PTPRA: variants seen among roughly 807,000 people sequenced by gnomAD.
PTPRA encodes the protein receptor-type tyrosine-protein phosphatase alpha.
A neutral mutation model predicts 104.8 loss-of-function variants in PTPRA; 25 were observed. The ratio of observed to expected loss-of-function variants is 0.24; its 90% CI spans 0.17 to 0.33. The LOEUF is 0.33. PTPRA is among the 10% of genes least tolerant of loss of function. The pLI is 1.00. For synonymous variants in PTPRA, 323 were observed against 368.9 expected, an observed-to-expected ratio of 0.88 and a Z score of 1.43; for missense variants, 765 against 1,015.3, an observed-to-expected ratio of 0.75 and a Z score of 3.35.
At chr20:2,929,873 G>A (rs1455501640) in intron 2 of PTPRA, among the ~76,000 whole-genome samples, 1 of 152,154 alleles carries the variant, frequency 6.6e-6, no homozygotes, top group Admixed American at 6.6e-5. Flanking sequence ...GAGGTCTTTA[G>A]GGTGGGCTCT....
At position 2,899,602 on chromosome 20, in the gene PTPRA, C is replaced by A. The variant is rs139877492; in HGVS notation, c.-128-23605C>A. 3.3e-5 allele frequency among the ~76,000 whole-genome samples: 5 copies of A among 152,262 alleles called. No homozygotes were observed. The East Asian group carries it at 9.6e-4, about 29-fold the overall frequency. On this transcript the variant is annotated intron_variant, in intron 1 of 23. Coordinates refer to ENST00000399903, the MANE Select transcript of PTPRA (RefSeq NM_001385305.1). Reference sequence around the variant, plus strand: ...ACAGAGATGGTATGAATGTAAACAACTTTGGTCGTTAATTTGGCCCATCCT... The same window carrying A: ...ACAGAGATGGTATGAATGTAAACAAATTTGGTCGTTAATTTGGCCCATCCT...
At chr20:2,881,228 C>T (rs1057460588) in intron 1 of PTPRA, among the ~76,000 whole-genome samples, 1 of 151,358 alleles carries the variant, frequency 6.6e-6, no homozygotes, top group African/African-American at 2.4e-5. Flanking sequence ...GGAGAATCCT[C>T]TGAGCCCAGG....
chr20:2,878,448 G>C (rs901940595), intron 1 of PTPRA, among the ~76,000 whole-genome samples: 9 of 152,120 alleles, frequency 5.9e-5, no homozygotes, highest in Non-Finnish European at 1.2e-4. Flanking sequence ...GGACTCAAGT[G>C]ATCCACCCGC....
intron 5 of PTPRA, among the ~76,000 whole-genome samples, chr20:2,973,646 G>A (rs752861883): frequency 5.3e-5 from 8 of 152,100 alleles, no homozygotes; most frequent in East Asian, 1.9e-4. Flanking sequence ...CAACCACTGC[G>A]AAGGACAAAC....
intron 2 of PTPRA, among the ~76,000 whole-genome samples, chr20:2,941,306 CA>C (rs1284853487): frequency 1.1e-4 from 17 of 152,172 alleles, no homozygotes; most frequent in Non-Finnish European, 1.9e-4. Flanking sequence ...GCTGGGATTA[CA>C]GGCATGAGCC....
In PTPRA at chr20:2,940,163, C is replaced by T. The variant is rs114132584; in HGVS notation, c.-49-7819C>T. 2.7e-3 allele frequency among the ~76,000 whole-genome samples: 407 copies of T among 152,276 alleles called. 3 individuals are homozygous for T. The highest frequency in any genetic ancestry group is 8.7e-3 in the African/African-American group (361 of 41,562). The stretch of plus-strand genomic sequence containing the variant: ...AGTGGGAGGAATAGGGTGGAATATG[C>T]TTACTCCATCTTTTCCTGAACTGTA... On this transcript the variant is annotated intron_variant, in intron 2 of 23. Transcript: ENST00000399903.
chr20:2,889,281 T>C (rs778909671), intron 1 of PTPRA, among the ~76,000 whole-genome samples: 23 of 152,204 alleles, frequency 1.5e-4, no homozygotes, highest in Non-Finnish European at 2.8e-4. Context: ...ATTAAGTTAA[T>C]ATAAATTTAA....
chr20:2,956,694 A>C (rs1021937210), intron 3 of PTPRA, among the ~76,000 whole-genome samples: 15 of 137,104 alleles, frequency 1.1e-4, no homozygotes, highest in Non-Finnish European at 2.2e-4. Context: ...ATAAATAAAT[A>C]AATCAGCCAT....
chr20:2,940,386 GC>G (rs1184010593), intron 2 of PTPRA, among the ~76,000 whole-genome samples: 1 of 150,530 alleles, frequency 6.6e-6, no homozygotes, highest in Non-Finnish European at 1.5e-5. Flanking sequence ...GAACTCCTGT[GC>G]TCAGGCAATC....
At chr20:2,865,171 C>T in the PTPRA span, 1,195 of 1,614,176 alleles carry the variant, frequency 7.4e-4, no homozygotes, top group Non-Finnish European at 9.5e-4. The surrounding 1 kb of genome is among the most constrained non-coding windows in gnomAD (Gnocchi z 5.2). Flanking sequence ...AAATGCGGCT[C>T]CTACGGCTGC....
intron 1 of PTPRA, among the ~76,000 whole-genome samples, chr20:2,915,658 T>C (rs2059875887): frequency 6.6e-6 from 1 of 152,232 alleles, no homozygotes; most frequent in African/African-American, 2.4e-5. Context: ...TCAAATTCAG[T>C]GTCATGAAGA....
chr20:3,004,920 A>G (rs1018457899), intron 9 of PTPRA, 136 bp from the exon 10 acceptor site: 3 of 735,624 alleles, frequency 4.1e-6, no homozygotes, highest in Non-Finnish European at 4.6e-6. Flanking sequence ...GTTAGGCTGC[A>G]GGTATTCACC....
At chr20:2,963,894 G>A (rs1200255292) in intron 3 of PTPRA, among the ~76,000 whole-genome samples, 1 of 152,030 alleles carries the variant, frequency 6.6e-6, no homozygotes, top group African/African-American at 2.4e-5. Context: ...TTAAAAATTA[G>A]CCAGGCATCG....
At chr20:2,869,685 G>T (rs919575620), upstream of PTPRA, among the ~76,000 whole-genome samples, 27 of 152,232 alleles carry the variant, frequency 1.8e-4, no homozygotes, top group Non-Finnish European at 2.4e-4. Flanking sequence ...CAGGGCAAAG[G>T]CTGGGCGCAG....
intron 9 of PTPRA, 109 bp downstream of exon 9, chr20:2,988,583 A>G: frequency 7.0e-7 from 1 of 1,434,832 alleles, no homozygotes; most frequent in Non-Finnish European, 9.3e-7. Context: ...TTAATGTTTA[A>G]GAGGTGAGAA....
At position 3,022,315 on chromosome 20, in the gene PTPRA, G is replaced by A; in HGVS notation, c.1328+95G>A. On this transcript the variant is annotated intron_variant, in intron 15 of 23. Transcript: ENST00000399903. This position sits in a 1 kb window ranked among gnomAD's most constrained non-coding sequence, Gnocchi z 4.6. Reference sequence around the variant, plus strand: ...ACAAGGGCCCTGGCTGAGGAGGCTGGCACAGAGTAGATGACCTACTGGGGC... The same window carrying A: ...ACAAGGGCCCTGGCTGAGGAGGCTGACACAGAGTAGATGACCTACTGGGGC... 3 of 1,462,596 alleles carry A rather than the reference G, an allele frequency of 2.1e-6. No individual in the cohort carries two copies. Among genetic ancestry groups the A allele is most frequent in the Non-Finnish European group, 1.9e-6 (2 of 1,070,422 alleles). The allele number at this position is 1,462,596 out of a possible 1,614,324, so 90.6% of individuals were successfully genotyped here. A position where few individuals can be genotyped will look rare whatever the true frequency, so the allele number is the denominator to read the frequency against.
rs567510900 is a variant in PTPRA, at chr20:2,904,863, T to A, written c.-128-18344T>A. ...GAAAATGATCGATTACTAAGAATGA[T>A]CCTGTAACAGTGGGCTGTTTGGGGA... is the stretch of plus-strand genomic sequence containing the variant. On this transcript the variant is annotated intron_variant, in intron 1 of 23. Coordinates refer to ENST00000399903, the MANE Select transcript of PTPRA (RefSeq NM_001385305.1). Among the ~76,000 whole-genome samples the A allele has an allele frequency of 7.9e-5, 12 of 152,246 alleles. No individual in the cohort carries two copies. The East Asian group carries it at 2.3e-3, about 29-fold the overall frequency.
At chr20:2,913,921 T>G (rs2059807414) in intron 1 of PTPRA, among the ~76,000 whole-genome samples, 1 of 152,234 alleles carries the variant, frequency 6.6e-6, no homozygotes, top group Non-Finnish European at 1.5e-5. Context: ...ATTGGTATGA[T>G]GGCTGCCAAA....
intron 9 of PTPRA, among the ~76,000 whole-genome samples, chr20:2,998,874 T>G (rs1439876622): frequency 1.3e-5 from 2 of 151,326 alleles, no homozygotes; most frequent in Non-Finnish European, 1.5e-5. Flanking sequence ...AGACATATTA[T>G]AGAATTAATA....
Sources: gnomAD v4.1 joint callset for allele counts (sites outside exome capture counted in the v4.1 genomes callset) on GRCh38, gnomAD v4.1.1 for gene constraint, Gnocchi (gnomAD v3.1) non-coding constraint, MANE v1.5 for transcripts, NCBI Gene and HGNC (gene_info 2026-07-23, HGNC 2026-07-21) for gene names.